The following GPR137C variants were observed in gnomAD, a reference collection of about 807,000 sequenced individuals.
The protein encoded by GPR137C is integral membrane protein GPR137C.
In GPR137C, 27 loss-of-function variants were observed where a neutral mutation model predicts 43.4. The observed-to-expected ratio is 0.62, with a 90% CI of 0.46 to 0.86. The LOEUF is 0.86. Ranked by LOEUF, GPR137C falls within the 40% of genes least tolerant of loss-of-function variation. The pLI is 0.00. For missense variants in GPR137C, 522 were observed against 534.6 expected, an observed-to-expected ratio of 0.98 and a Z score of 0.23; for synonymous variants, 285 against 226.9, an observed-to-expected ratio of 1.26 and a Z score of -2.30.
chr14:52,580,113 A>G lies in GPR137C; in HGVS notation c.445-18159A>G, dbSNP rs147580646. 6.2e-3 allele frequency among the ~76,000 whole-genome samples: 939 copies of G among 152,250 alleles called. 11 individuals carry two copies. Among genetic ancestry groups the G allele is most frequent in the African/African-American group, 0.02 (832 of 41,566 alleles). On this transcript the variant is annotated intron_variant, in intron 1 of 6. Transcript: ENST00000321662. ...CTGCACGTACACCCATCTGCTTTCT[A>G]GCTTCCAACATTCATTATTGCAGTC...
At chr14:52,611,894 A>G (rs1312535912) in intron 3 of GPR137C, 2 of 970,696 alleles carry the variant, frequency 2.1e-6, no homozygotes, top group Admixed American at 6.2e-5. Context: ...CACTAAAAAT[A>G]TAAATGTTGA....
intron 1 of GPR137C, among the ~76,000 whole-genome samples, chr14:52,586,988 CAG>C (rs2038721713): frequency 1.3e-5 from 2 of 152,108 alleles, no homozygotes; most frequent in African/African-American, 4.8e-5. Flanking sequence ...AATCATATTA[CAG>C]AGTTTATAGC....
chr14:52,633,832 C>T lies in GPR137C; in HGVS notation c.998C>T (p.Pro333Leu), dbSNP rs2039321304. Reference sequence around the variant, plus strand: ...TATCTAATACTTTGTTCACAGGCACCTGCTGGCATGATAAATAGTCACAGT... The same window carrying T: ...TATCTAATACTTTGTTCACAGGCACTTGCTGGCATGATAAATAGTCACAGT... The part of the protein sequence containing the change: ...RAQRLNQNLA[P>L]AGMINSHSYS... Residue 333 changes from proline (P) to leucine (L), a missense_variant, in exon 6 of 7, where the codon CCT becomes CTT. By Grantham distance (98) the Pro-to-Leu change is moderately conservative. Around this residue, in one of 3 missense-constraint regions of GPR137C, gnomAD observed 437 missense variants for 425.7 expected, o/e 1.03. Transcript: ENST00000321662. The T allele has an allele frequency of 6.2e-7, 1 of 1,607,792 alleles. No homozygotes were observed. The highest frequency in any genetic ancestry group is 8.5e-7 in the Non-Finnish European group (1 of 1,174,654).
intron 3 of GPR137C, among the ~76,000 whole-genome samples, chr14:52,624,831 A>T (rs2039203474): frequency 6.6e-6 from 1 of 152,218 alleles, no homozygotes; most frequent in Non-Finnish European, 1.5e-5. Context: ...TACATCAGTC[A>T]ATTTGATCTA....
intron 3 of GPR137C, among the ~76,000 whole-genome samples, chr14:52,629,476 G>T (rs912988642): frequency 6.6e-6 from 1 of 152,200 alleles, no homozygotes; most frequent in Non-Finnish European, 1.5e-5. Context: ...AAATCAGGAA[G>T]AGTTGGTCAC....
intron 1 of GPR137C, among the ~76,000 whole-genome samples, chr14:52,567,855 T>C (rs1274174834): frequency 6.6e-6 from 1 of 152,090 alleles, no homozygotes; most frequent in East Asian, 1.9e-4. Flanking sequence ...AGACAGGGTT[T>C]CACCATGTTG....
At chr14:52,574,710 A>T (rs1183106703) in intron 1 of GPR137C, among the ~76,000 whole-genome samples, 1 of 152,210 alleles carries the variant, frequency 6.6e-6, no homozygotes, top group Non-Finnish European at 1.5e-5. Flanking sequence ...CTGAAAGTAT[A>T]ATTTACAAAA....
intron 1 of GPR137C, among the ~76,000 whole-genome samples, chr14:52,565,598 A>T (rs2038357273): frequency 6.6e-6 from 1 of 152,216 alleles, no homozygotes; most frequent in Non-Finnish European, 1.5e-5. Flanking sequence ...GCACTGTTAT[A>T]TATGTGGTCA....
At chr14:52,601,514 A>C (rs2038925352) in intron 3 of GPR137C, among the ~76,000 whole-genome samples, 1 of 150,276 alleles carries the variant, frequency 6.7e-6, no homozygotes, top group African/African-American at 2.5e-5. Flanking sequence ...ATATATAGAG[A>C]GAGAGAGAGA....
intron 3 of GPR137C, among the ~76,000 whole-genome samples, chr14:52,631,579 C>T (rs1247955301): frequency 2.0e-5 from 3 of 152,016 alleles, no homozygotes; most frequent in Non-Finnish European, 2.9e-5. Context: ...GTTGGAAGGG[C>T]TTTTTATGTT....
At position 52,572,734 on chromosome 14, in the gene GPR137C, A is replaced by G. The variant is rs1341341168; in HGVS notation, c.444+19143A>G. On this transcript the variant is annotated intron_variant, in intron 1 of 6. Coordinates refer to ENST00000321662, the MANE Select transcript of GPR137C (RefSeq NM_001099652.2). ...CCCCTCCTATTCAACATAGTATTGG[A>G]AGTTCTGGCCAGGACAATCAGCCAA... Among the ~76,000 whole-genome samples the G allele has an allele frequency of 3.3e-5, 5 of 152,346 alleles. No individual in the cohort carries two copies. The East Asian group carries it at 7.7e-4, about 23-fold the overall frequency.
At chr14:52,610,384 C>T (rs1013516657) in intron 3 of GPR137C, among the ~76,000 whole-genome samples, 12 of 152,198 alleles carry the variant, frequency 7.9e-5, no homozygotes, top group Middle Eastern at 6.8e-3. Context: ...TTCCTTTCCA[C>T]GATTTCAGTT....
At chr14:52,594,026 T>C (rs897290781) in intron 1 of GPR137C, among the ~76,000 whole-genome samples, 2 of 152,246 alleles carry the variant, frequency 1.3e-5, no homozygotes, top group Non-Finnish European at 2.9e-5. Flanking sequence ...TCTGGTACGA[T>C]GTGTCTTTGT....
At chr14:52,615,467 G>GTTT (rs200188827) in intron 3 of GPR137C, among the ~76,000 whole-genome samples, 1,429 of 140,322 alleles carry the variant, frequency 0.01, 16 homozygotes, top group Non-Finnish European at 0.016. Flanking sequence ...ACATTTTAGG[G>GTTT]TTTTTTTTTT....
chr14:52,609,674 G>T (rs193222039), intron 3 of GPR137C, among the ~76,000 whole-genome samples: 1 of 152,272 alleles, frequency 6.6e-6, no homozygotes, highest in South Asian at 2.1e-4. Context: ...GTGAGGGCTC[G>T]GAAGTTGATG....
At chr14:52,584,975 C>A (rs1167972281) in intron 1 of GPR137C, among the ~76,000 whole-genome samples, 4 of 152,112 alleles carry the variant, frequency 2.6e-5, no homozygotes, top group Non-Finnish European at 5.9e-5. Context: ...ATCAACTGCT[C>A]AACTTTAACT....
At chr14:52,608,559 C>T (rs887865874) in intron 3 of GPR137C, among the ~76,000 whole-genome samples, 4 of 152,130 alleles carry the variant, frequency 2.6e-5, no homozygotes, top group Non-Finnish European at 5.9e-5. Context: ...ATTAGTGTAA[C>T]AATCATGTTA....
At chr14:52,631,339 C>G (rs539097148) in intron 3 of GPR137C, among the ~76,000 whole-genome samples, 5 of 152,284 alleles carry the variant, frequency 3.3e-5, no homozygotes, top group African/African-American at 1.2e-4. Flanking sequence ...GCCCCTTAAT[C>G]ATTGTGACAA....
At position 52,554,790 on chromosome 14, in the gene GPR137C, T is replaced by A. The variant is rs185411901; in HGVS notation, c.444+1199T>A. ...AACTCTTTTCTCCTTTAATAGGAAG[T>A]AGAATGCATAATTTTATAATCAGTC... On this transcript the variant is annotated intron_variant, in intron 1 of 6. Transcript: ENST00000321662. Among the ~76,000 whole-genome samples, 569 of 152,034 alleles carry A rather than the reference T, an allele frequency of 3.7e-3. 2 individuals are homozygous for A. The highest frequency in any genetic ancestry group is 0.013 in the African/African-American group (552 of 41,498).
Sources: allele counts gnomAD v4.1 joint callset (sites outside exome capture counted in the v4.1 genomes callset), GRCh38; gene constraint gnomAD v4.1.1; regional missense constraint gnomAD v4.1.1; transcripts MANE v1.5; gene names NCBI Gene and HGNC (gene_info 2026-07-23, HGNC 2026-07-21).